GPC6: variants seen among roughly 807,000 people sequenced by gnomAD.
GPC6 encodes the protein glypican 6, also known as glypican-6.
Under a neutral mutation model 55.2 loss-of-function variants are expected in GPC6, and 14 were observed. The ratio of observed to expected loss-of-function variants is 0.25; its 90% CI spans 0.17 to 0.40. The LOEUF (loss-of-function observed/expected upper bound fraction) is 0.40. GPC6 is among the 10% of genes least tolerant of loss of function. The pLI is 1.00. For missense variants in GPC6, 641 were observed against 708.5 expected (o/e 0.90, Z 1.08); for synonymous variants, 278 against 259.6 (o/e 1.07, Z -0.68).
At chr13:93,734,945 A>G (rs16949160) in intron 2 of GPC6, among the ~76,000 whole-genome samples, 6,022 of 152,246 alleles carry the variant, frequency 0.04, 394 homozygotes, top group African/African-American at 0.14. Flanking sequence ...AATTCAAATT[A>G]CAAGGTTTCC....
chr13:93,562,297 C>G (rs1290514351), intron 2 of GPC6, among the ~76,000 whole-genome samples: 1 of 152,028 alleles, frequency 6.6e-6, no homozygotes, highest in Non-Finnish European at 1.5e-5. Flanking sequence ...AATTTCAAAT[C>G]TAGATCCCTT....
intron 3 of GPC6, among the ~76,000 whole-genome samples, chr13:93,967,854 A>G (rs577075186): frequency 1.3e-5 from 2 of 152,250 alleles, no homozygotes; most frequent in East Asian, 3.9e-4. Flanking sequence ...AGAACTTATT[A>G]CTACCTCAGA....
chr13:94,370,092 T>A (rs577695768), intron 6 of GPC6, among the ~76,000 whole-genome samples: 1 of 152,178 alleles, frequency 6.6e-6, no homozygotes, highest in South Asian at 2.1e-4. Flanking sequence ...AGCTGAAGAT[T>A]AGAGTGGTGG....
At chr13:93,812,824 A>G (rs1181862797) in intron 2 of GPC6, among the ~76,000 whole-genome samples, 1 of 152,206 alleles carries the variant, frequency 6.6e-6, no homozygotes. Context: ...TCATTCTCAT[A>G]ACACTCTATC....
chr13:94,132,777 C>T (rs1166032390), intron 4 of GPC6, among the ~76,000 whole-genome samples: 18 of 152,252 alleles, frequency 1.2e-4, no homozygotes, highest in African/African-American at 3.6e-4. Flanking sequence ...ATCACGGTCA[C>T]GGAGTCAGAT....
chr13:93,936,081 T>C (rs1301609129), intron 3 of GPC6, among the ~76,000 whole-genome samples: 1 of 152,146 alleles, frequency 6.6e-6, no homozygotes, highest in Non-Finnish European at 1.5e-5. Context: ...ATGATATCAC[T>C]CACCACTATA....
intron 2 of GPC6, among the ~76,000 whole-genome samples, chr13:93,673,234 A>G (rs1434216878): frequency 6.6e-6 from 1 of 152,152 alleles, no homozygotes; most frequent in African/African-American, 2.4e-5. Context: ...CCTGCTCTCT[A>G]TGGCAAAATG....
intron 4 of GPC6, among the ~76,000 whole-genome samples, chr13:94,247,405 C>T (rs890228917): frequency 3.3e-5 from 5 of 152,050 alleles, no homozygotes; most frequent in African/African-American, 1.2e-4. Context: ...TTGGCTAAAG[C>T]GGGCATCCTG....
At chr13:94,077,752 C>T (rs931583367) in intron 4 of GPC6, among the ~76,000 whole-genome samples, 3 of 147,258 alleles carry the variant, frequency 2.0e-5, no homozygotes, top group South Asian at 4.5e-4. Flanking sequence ...CCTTCATTCC[C>T]TTAATGTAGT....
At chr13:94,167,211 A>T (rs564780797) in intron 4 of GPC6, among the ~76,000 whole-genome samples, 1 of 152,212 alleles carries the variant, frequency 6.6e-6, no homozygotes, top group African/African-American at 2.4e-5. Flanking sequence ...AGTATTTAGA[A>T]TAAAGAATAG....
intron 3 of GPC6, among the ~76,000 whole-genome samples, chr13:94,013,715 C>T (rs764956264): frequency 2.0e-5 from 3 of 152,138 alleles, no homozygotes; most frequent in African/African-American, 4.8e-5. Context: ...TTGTAATATA[C>T]GCTGACAAGT....
chr13:93,666,624 A>G (rs1881147746), intron 2 of GPC6, among the ~76,000 whole-genome samples: 1 of 152,242 alleles, frequency 6.6e-6, no homozygotes, highest in Non-Finnish European at 1.5e-5. Context: ...TCTGAAATAT[A>G]GTATATTTTG....
intron 3 of GPC6, among the ~76,000 whole-genome samples, chr13:93,871,994 A>C (rs995713416): frequency 3.9e-5 from 6 of 152,132 alleles, no homozygotes; most frequent in Non-Finnish European, 8.8e-5. Context: ...AAATAAATAA[A>C]ACAAGTTTTC....
intron 3 of GPC6, among the ~76,000 whole-genome samples, chr13:93,862,008 T>C (rs966421097): frequency 9.2e-5 from 14 of 151,554 alleles, no homozygotes; most frequent in African/African-American, 3.1e-4. Flanking sequence ...GCCTGGGACA[T>C]CACAAACCCT....
intron 3 of GPC6, among the ~76,000 whole-genome samples, chr13:94,018,820 T>C (rs923105869): frequency 6.6e-6 from 1 of 152,120 alleles, no homozygotes; most frequent in African/African-American, 2.4e-5. Flanking sequence ...TAGATTCTTA[T>C]AGGAGTGTGG....
intron 4 of GPC6, among the ~76,000 whole-genome samples, chr13:94,076,714 C>A (rs1276458194): frequency 6.6e-6 from 1 of 151,850 alleles, no homozygotes; most frequent in African/African-American, 2.4e-5. Context: ...CCAGTTTTCC[C>A]AACACCACTT....
chr13:93,875,183 A>G (rs567536222), intron 3 of GPC6, among the ~76,000 whole-genome samples: 44 of 152,104 alleles, frequency 2.9e-4, no homozygotes, highest in Admixed American at 9.8e-4. Context: ...ATACTTGCAT[A>G]TGGGGCCTCA....
At chr13:93,839,149 G>A (rs1289683336) in intron 3 of GPC6, among the ~76,000 whole-genome samples, 1 of 152,120 alleles carries the variant, frequency 6.6e-6, no homozygotes, top group East Asian at 1.9e-4. Flanking sequence ...CCATTAGGAT[G>A]TTAATGACTT....
intron 2 of GPC6, among the ~76,000 whole-genome samples, chr13:93,689,627 G>A (rs1219018527): frequency 6.6e-6 from 1 of 151,988 alleles, no homozygotes; most frequent in East Asian, 1.9e-4. Context: ...GTATGTATAT[G>A]GTCCTATTTC....
Sources: allele counts gnomAD v4.1 joint callset (sites outside exome capture counted in the v4.1 genomes callset), GRCh38; gene constraint gnomAD v4.1.1; transcripts MANE v1.5; gene names NCBI Gene and HGNC (gene_info 2026-07-23, HGNC 2026-07-21).